ERC2: variants seen among roughly 807,000 people sequenced by gnomAD.
ERC2 encodes ERC protein 2.
A neutral mutation model predicts 114.8 loss-of-function variants in ERC2; 42 were observed. The ratio of observed to expected loss-of-function variants is 0.37; its 90% CI spans 0.29 to 0.47. ERC2 has a LOEUF of 0.47. Among genes scored for constraint, ERC2 ranks in the 20% least tolerant of loss-of-function variants. ERC2 has a pLI of 0.99. For synonymous variants in ERC2, 454 were observed against 425.5 expected (o/e 1.07, Z -0.82); for missense variants, 939 against 1,150.7 (o/e 0.82, Z 2.66).
intron 6 of ERC2, among the ~76,000 whole-genome samples, chr3:56,137,558 T>C (rs996450644): frequency 1.2e-4 from 19 of 152,194 alleles, no homozygotes; most frequent in African/African-American, 4.3e-4. Context: ...GGCCATACAA[T>C]ATCTATTGCA....
At chr3:55,626,877 G>C (rs1349661077) in intron 17 of ERC2, among the ~76,000 whole-genome samples, 1 of 152,212 alleles carries the variant, frequency 6.6e-6, no homozygotes, top group Non-Finnish European at 1.5e-5. Flanking sequence ...TCAGTTTCTA[G>C]CCTTTAAAAT....
intron 17 of ERC2, among the ~76,000 whole-genome samples, chr3:55,676,125 G>A (rs2148754177): frequency 6.6e-6 from 1 of 151,716 alleles, no homozygotes; most frequent in East Asian, 1.9e-4. Context: ...GTTTCTCCAT[G>A]TTGGCCAGGC....
chr3:55,536,985 G>T (rs955169024), intron 17 of ERC2, among the ~76,000 whole-genome samples: 11 of 152,250 alleles, frequency 7.2e-5, no homozygotes, highest in Admixed American at 3.9e-4. Flanking sequence ...GCTGACAGAG[G>T]GCAAAAGAAA....
chr3:56,061,978 G>T (rs569730639), intron 7 of ERC2, among the ~76,000 whole-genome samples: 1 of 152,248 alleles, frequency 6.6e-6, no homozygotes, highest in Non-Finnish European at 1.5e-5. Flanking sequence ...TTCATGCTAT[G>T]TGTAGAATTT....
chr3:56,442,564 G>A (rs1473889793), intron 1 of ERC2, among the ~76,000 whole-genome samples: 1 of 152,066 alleles, frequency 6.6e-6, no homozygotes, highest in Non-Finnish European at 1.5e-5. Context: ...CTCCAGCTCG[G>A]CTTTAGACCA....
chr3:56,087,179 T>TTGTGTG (rs59471652), intron 6 of ERC2, among the ~76,000 whole-genome samples: 1,856 of 147,454 alleles, frequency 0.013, 34 homozygotes, highest in African/African-American at 0.039. Context: ...TTTGATCCAT[T>TTGTGTG]TGTGTGTGTG....
chr3:56,068,057 A>G (rs558852392), intron 7 of ERC2, among the ~76,000 whole-genome samples: 2 of 152,326 alleles, frequency 1.3e-5, no homozygotes, highest in African/African-American at 4.8e-5. Context: ...GCCTCATAAA[A>G]TGAGTTAGGG....
chr3:55,888,482 G>A lies in ERC2; in HGVS notation c.2471C>T (p.Ala824Val), dbSNP rs778566451. The A allele has an allele frequency of 1.9e-6, 3 of 1,613,874 alleles. No homozygotes were observed. In the South Asian group the frequency reaches 3.3e-5, roughly 18 times the overall value. ...QELDATKARL[A>V]STQQSLAEKE... ...TTCGGCCAGGGACTGTTGTGTGGAGGCGAGGCGTGCTTTGGTGGCATCCAG... is the reference window on the plus strand; with the variant it reads ...TTCGGCCAGGGACTGTTGTGTGGAGACGAGGCGTGCTTTGGTGGCATCCAG... Residue 824 changes from alanine (A) to valine (V), a missense_variant, in exon 14 of 18, where the codon GCC becomes GTC. By Grantham distance (64) the Ala-to-Val change is moderately conservative. Transcript: ENST00000288221.
Position 55,951,304 on chromosome 3 carries a change from T to C in ERC2, c.2268-744A>G, listed in dbSNP as rs879291174. ...CATTACTTTGATTTTAAAATAACAA[T>C]TATGAGGCTCCAATCAAATACATTG... On this transcript the variant is annotated intron_variant, in intron 12 of 17. Coordinates refer to ENST00000288221, the MANE Select transcript of ERC2 (RefSeq NM_015576.3). 2.3e-4 allele frequency among the ~76,000 whole-genome samples: 35 copies of C among 152,338 alleles called. 1 individual carries two copies. The highest frequency in any genetic ancestry group is 2.3e-3 in the South Asian group (11 of 4,824).
intron 1 of ERC2, among the ~76,000 whole-genome samples, chr3:56,459,289 G>A (rs955244131): frequency 2.6e-5 from 4 of 152,124 alleles, no homozygotes; most frequent in Admixed American, 1.3e-4. Context: ...AATCTTTCAC[G>A]GTTTGCATAA....
chr3:56,128,243 G>T (rs1025650595), intron 6 of ERC2, among the ~76,000 whole-genome samples: 5 of 152,070 alleles, frequency 3.3e-5, no homozygotes, highest in Admixed American at 2.6e-4. Context: ...AATCTTCTAT[G>T]AATCAATCCT....
intron 16 of ERC2, among the ~76,000 whole-genome samples, chr3:55,686,983 GGGA>G (rs756334752): frequency 1.3e-5 from 2 of 152,196 alleles, no homozygotes; most frequent in Non-Finnish European, 2.9e-5. Flanking sequence ...AATTCTGAAG[GGGA>G]GGAGGTTTAA....
At chr3:55,984,949 T>A (rs2070473940) in intron 12 of ERC2, among the ~76,000 whole-genome samples, 1 of 152,138 alleles carries the variant, frequency 6.6e-6, no homozygotes, top group Non-Finnish European at 1.5e-5. Flanking sequence ...AGTCAATGGA[T>A]TGGCCTGGTG....
chr3:56,316,098 C>A (rs2056849652), intron 2 of ERC2, among the ~76,000 whole-genome samples: 1 of 151,936 alleles, frequency 6.6e-6, no homozygotes, highest in African/African-American at 2.4e-5. Flanking sequence ...TGCATCTGTA[C>A]TCTATTTAAG....
intron 1 of ERC2, among the ~76,000 whole-genome samples, chr3:56,443,953 C>G (rs1026850766): frequency 1.2e-5 from 1 of 82,522 alleles, no homozygotes; most frequent in Non-Finnish European, 2.3e-5. Context: ...TTAAAAATAC[C>G]TACAATTTTT....
chr3:55,770,596 G>A (rs72875455), intron 14 of ERC2, among the ~76,000 whole-genome samples: 12,040 of 152,028 alleles, frequency 0.079, 858 homozygotes, highest in African/African-American at 0.18. Flanking sequence ...TATCATCACT[G>A]TTAAACTGTT....
At chr3:55,571,089 C>T (rs1189501863) in intron 17 of ERC2, among the ~76,000 whole-genome samples, 2 of 134,320 alleles carry the variant, frequency 1.5e-5, no homozygotes, top group East Asian at 4.4e-4. Context: ...GATTGTGCCA[C>T]TGCACTCCAG....
intron 12 of ERC2, among the ~76,000 whole-genome samples, chr3:55,966,400 A>T (rs936761482): frequency 1.2e-4 from 18 of 152,132 alleles, no homozygotes; most frequent in African/African-American, 4.3e-4. Flanking sequence ...TAGGAATGTT[A>T]CCCTATCTAA....
At chr3:55,941,431 C>T in intron 13 of ERC2, among the ~76,000 whole-genome samples, 1 of 152,172 alleles carries the variant, frequency 6.6e-6, no homozygotes, top group East Asian at 1.9e-4. Context: ...GAGTCAACAG[C>T]CCTCCAAATG....
Sources: allele counts gnomAD v4.1 joint callset (sites outside exome capture counted in the v4.1 genomes callset), GRCh38; gene constraint gnomAD v4.1.1; transcripts MANE v1.5; gene names NCBI Gene and HGNC (gene_info 2026-07-23, HGNC 2026-07-21).